The following VWA8 variants were observed in gnomAD, a reference collection of about 807,000 sequenced individuals.
The protein encoded by VWA8 is von Willebrand factor A domain containing 8, also known as von Willebrand factor A domain-containing protein 8.
In VWA8, 221 loss-of-function variants were observed where a neutral mutation model predicts 241.5. The observed-to-expected ratio is 0.91, with a 90% CI of 0.82 to 1.02. The LOEUF is 1.02. Among genes scored for constraint, VWA8 ranks in the 50% least tolerant of loss-of-function variants. The pLI, the probability that VWA8 is intolerant of heterozygous loss-of-function variation, is 0.00. For missense variants in VWA8, 2,322 were observed against 2,328.7 expected (o/e 1.00, Z 0.06); for synonymous variants, 852 against 827.1 (o/e 1.03, Z -0.52).
chr13:41,568,891 A>G (rs1216530688), intron 44 of VWA8, among the ~76,000 whole-genome samples: 1 of 152,122 alleles, frequency 6.6e-6, no homozygotes, highest in Non-Finnish European at 1.5e-5. Context: ...ATTTTTTCCA[A>G]CTCATTTTTA....
chr13:41,584,642 C>T (rs9566800), intron 42 of VWA8, among the ~76,000 whole-genome samples: 2,652 of 152,234 alleles, frequency 0.017, 45 homozygotes, highest in East Asian at 0.072. Flanking sequence ...AAACCATTAA[C>T]GTGCTTCTTG....
At chr13:41,695,671 G>A (rs1472000587) in intron 29 of VWA8, among the ~76,000 whole-genome samples, 1 of 152,114 alleles carries the variant, frequency 6.6e-6, no homozygotes, top group Non-Finnish European at 1.5e-5. Context: ...ATACAGATAA[G>A]GTGTGCAGGT....
At chr13:41,819,914 C>A (rs1870876142) in intron 14 of VWA8, among the ~76,000 whole-genome samples, 2 of 152,090 alleles carry the variant, frequency 1.3e-5, no homozygotes, top group South Asian at 4.1e-4. Flanking sequence ...ACACTTAAGT[C>A]TTAAAAAGGC....
chr13:41,888,183 AC>A (rs200901355), intron 5 of VWA8, among the ~76,000 whole-genome samples: 1,713 of 152,314 alleles, frequency 0.011, 16 homozygotes, highest in Middle Eastern at 0.048. Flanking sequence ...CAAAGGAGGC[AC>A]CTGTTAAATC....
intron 37 of VWA8, among the ~76,000 whole-genome samples, chr13:41,667,947 A>G (rs2044997480): frequency 6.6e-6 from 1 of 152,236 alleles, no homozygotes; most frequent in Admixed American, 6.5e-5. Context: ...TTTTATATGT[A>G]GAGCTCAAAA....
At chr13:41,927,495 A>G (rs1420907255) in intron 2 of VWA8, 1 of 204,652 alleles carries the variant, frequency 4.9e-6, no homozygotes, top group East Asian at 1.3e-4. Flanking sequence ...AGGAATTAAG[A>G]ATTTCTTTTT....
At chr13:41,763,746 G>C (rs1301892068) in intron 20 of VWA8, among the ~76,000 whole-genome samples, 1 of 152,144 alleles carries the variant, frequency 6.6e-6, no homozygotes, top group Non-Finnish European at 1.5e-5. Context: ...AGGATTTCCT[G>C]GAAGAAATGT....
chr13:41,664,847 C>T (rs1319970284), intron 37 of VWA8, among the ~76,000 whole-genome samples: 7 of 152,112 alleles, frequency 4.6e-5, no homozygotes, highest in Admixed American at 4.6e-4. Flanking sequence ...TTCCTGTTTT[C>T]TACTGTTCTC....
intron 12 of VWA8, among the ~76,000 whole-genome samples, chr13:41,839,779 T>C (rs1871909388): frequency 6.6e-6 from 1 of 152,234 alleles, no homozygotes; most frequent in Non-Finnish European, 1.5e-5. Context: ...TGTAGACTTG[T>C]AGTACAGTTT....
At chr13:41,603,697 C>A (rs1374325825) in intron 40 of VWA8, among the ~76,000 whole-genome samples, 1 of 152,080 alleles carries the variant, frequency 6.6e-6, no homozygotes, top group Non-Finnish European at 1.5e-5. Flanking sequence ...CTGTCTCCCA[C>A]CAGGGTGTGC....
At chr13:41,571,323 CTCCCGT>C (rs781170419) in intron 43 of VWA8, among the ~76,000 whole-genome samples, 1,387 of 107,982 alleles carry the variant, frequency 0.013, no homozygotes, top group South Asian at 0.022. Context: ...CCCTCTCCCT[CTCCCGT>C]CTCCCTCTCC....
At chr13:41,856,197 G>A (rs535687098) in intron 12 of VWA8, among the ~76,000 whole-genome samples, 1 of 151,980 alleles carries the variant, frequency 6.6e-6, no homozygotes, top group African/African-American at 2.4e-5. Flanking sequence ...TTGGCCAGCG[G>A]GGGTAGCACA....
rs1485494191 is a variant in VWA8 at position 41,961,082 on chromosome 13, C to A, written c.-67G>T. ...ATCGAGCGGCGTCCCGTGCAGGCAC[C>A]GTGAGGCAGCGCGGAGAAGGGGACA... On this transcript the variant is annotated 5_prime_UTR_variant, in exon 1 of 45. Coordinates refer to ENST00000379310, the MANE Select transcript of VWA8 (RefSeq NM_015058.2). 4 of 1,307,006 alleles carry A rather than the reference C, an allele frequency of 3.1e-6. No homozygotes were observed. In the African/African-American group the frequency reaches 6.3e-5, roughly 20 times the overall value. The allele number at this position is 1,307,006 out of a possible 1,614,324, so 81.0% of individuals were successfully genotyped here.
rs768022218 is a variant in VWA8 at position 41,615,004 on chromosome 13, C to T, written c.4692G>A (p.Val1564=). The T allele has an allele frequency of 5.0e-6, 8 of 1,613,542 alleles. No individual in the cohort carries two copies. In the African/African-American group the frequency reaches 5.3e-5, roughly 11 times the overall value. Reference sequence around the variant, plus strand: ...TTCCGCCAGCCCAAGTGTTGCCGCCCACGTGAGGCATGTTGTCTGGGTCCT... The same window carrying T: ...TTCCGCCAGCCCAAGTGTTGCCGCCTACGTGAGGCATGTTGTCTGGGTCCT... ...GKEDPDNMPH[V]GGNTWAGGTG... Residue 1564 remains valine, a synonymous_variant, in exon 38 of 45, where the codon GTG becomes GTA. Transcript: ENST00000379310.
At chr13:41,669,630 T>C (rs2045009031) in intron 37 of VWA8, among the ~76,000 whole-genome samples, 1 of 152,200 alleles carries the variant, frequency 6.6e-6, no homozygotes, top group Admixed American at 6.5e-5. Context: ...AAAATAAATT[T>C]AATCTTGACC....
chr13:41,886,206 C>T (rs762556889), intron 7 of VWA8, among the ~76,000 whole-genome samples, 178 bp from the exon 8 acceptor site: 1 of 152,122 alleles, frequency 6.6e-6, no homozygotes, highest in African/African-American at 2.4e-5. Flanking sequence ...TGATTAGATG[C>T]AAATATATTC....
At chr13:41,905,706 C>T (rs1249637391) in intron 4 of VWA8, among the ~76,000 whole-genome samples, 1 of 152,020 alleles carries the variant, frequency 6.6e-6, no homozygotes, top group Non-Finnish European at 1.5e-5. Context: ...ATCACACATT[C>T]TAGATCAGTC....
rs1200897650 is a variant in VWA8 at position 41,634,333 on chromosome 13, AC to A, written c.4612-19250del. On this transcript the variant is annotated intron_variant, in intron 37 of 44. Coordinates refer to ENST00000379310, the MANE Select transcript of VWA8 (RefSeq NM_015058.2). ...CTGTCTCCCTCTACTTTATGATTGC[AC>A]CCCAAGACCTAACACAGTGCAATGT... Among the ~76,000 whole-genome samples the A allele has an allele frequency of 3.3e-5, 5 of 152,046 alleles. No individual in the cohort carries two copies. The East Asian group carries it at 9.6e-4, about 29-fold the overall frequency.
chr13:41,590,796 CTTAA>C, intron 40 of VWA8, 31 bp from the exon 41 acceptor site: 1 of 1,610,064 alleles, frequency 6.2e-7, no homozygotes, highest in Non-Finnish European at 8.5e-7. Flanking sequence ...CACACAAAGC[CTTAA>C]TTAGTTATGC....
Sources: allele counts gnomAD v4.1 joint callset (sites outside exome capture counted in the v4.1 genomes callset), GRCh38; gene constraint gnomAD v4.1.1; transcripts MANE v1.5; gene names NCBI Gene and HGNC (gene_info 2026-07-23, HGNC 2026-07-21).